PLD5: variants seen among roughly 807,000 people sequenced by gnomAD.
PLD5 encodes phospholipase D family member 5.
A neutral mutation model predicts 61.1 loss-of-function variants in PLD5; 36 were observed. The ratio of observed to expected loss-of-function variants is 0.59; its 90% confidence interval spans 0.45 to 0.78. PLD5 has a LOEUF of 0.78. Ranked by LOEUF, PLD5 falls within the 30% of genes least tolerant of loss-of-function variation. The pLI is 0.00. For missense variants in PLD5, 515 were observed against 644.4 expected, an observed-to-expected ratio of 0.80 and a Z score of 2.17; for synonymous variants, 243 against 242.8, an observed-to-expected ratio of 1.00 and a Z score of -0.01.
At chr1:242,321,702 C>T (rs1268564551) in intron 2 of PLD5, among the ~76,000 whole-genome samples, 2 of 152,098 alleles carry the variant, frequency 1.3e-5, no homozygotes, top group Non-Finnish European at 2.9e-5. Flanking sequence ...TTTTTGAACC[C>T]CCATTTTTTC....
In PLD5 at chr1:242,194,626, C is replaced by CTATCTATG. The variant is rs1553321094; in HGVS notation, c.735+25361_735+25362insCATAGATA. Among the ~76,000 whole-genome samples, 106 of 83,762 alleles carry CTATCTATG rather than the reference C, an allele frequency of 1.3e-3. 1 individual carries two copies. Among genetic ancestry groups the CTATCTATG allele is most frequent in the East Asian group, 2.8e-3 (6 of 2,168 alleles). The allele number at this position is 83,762 out of a possible 152,430, so 55.0% of individuals were successfully genotyped here. A position where few individuals can be genotyped will look rare whatever the true frequency, so the allele number is the denominator to read the frequency against. ...TCTATGTATCTATCTATGTATCTAT[C>CTATCTATG]TATCTATCTATCTATCTATCTATCT... On this transcript the variant is annotated intron_variant, in intron 5 of 9. Transcript: ENST00000536534.
At chr1:242,094,276 T>A (rs1660057720) in intron 9 of PLD5, among the ~76,000 whole-genome samples, 1 of 152,100 alleles carries the variant, frequency 6.6e-6, no homozygotes, top group Admixed American at 6.6e-5. Flanking sequence ...GACTTTTGAG[T>A]GCCTTCCATC....
intron 2 of PLD5, among the ~76,000 whole-genome samples, chr1:242,304,157 G>T (rs1214672884): frequency 6.6e-6 from 1 of 152,220 alleles, no homozygotes; most frequent in African/African-American, 2.4e-5. Flanking sequence ...GCTTAGAAAA[G>T]TTGTATACCA....
rs199766679 is a variant in PLD5, at chr1:242,439,082, T to TC, written c.189+85005dup. 7.3e-3 allele frequency among the ~76,000 whole-genome samples: 1,109 copies of TC among 152,302 alleles called. 18 individuals carry two copies. The highest frequency in any genetic ancestry group is 0.025 in the African/African-American group (1,054 of 41,550). On this transcript the variant is annotated intron_variant, in intron 1 of 9. Coordinates refer to ENST00000536534, the MANE Select transcript of PLD5 (RefSeq NM_001372062.1). ...TTTTAGTTCCTGGATTGCCACTGTA[T>TC]CCCCACCACCTGGCATAGCGCTTAA...
intron 7 of PLD5, among the ~76,000 whole-genome samples, chr1:242,111,472 G>GTT (rs1004504921): frequency 6.6e-6 from 1 of 150,766 alleles, no homozygotes; most frequent in Non-Finnish European, 1.5e-5. Context: ...AATAGTGTCT[G>GTT]TTTTTTTTTA....
At chr1:242,156,023 T>G (rs1574410930) in intron 5 of PLD5, among the ~76,000 whole-genome samples, 1 of 152,230 alleles carries the variant, frequency 6.6e-6, no homozygotes, top group South Asian at 2.1e-4. Flanking sequence ...GCTTTATGCA[T>G]CTGGGTGTTC....
At chr1:242,530,310 C>G in the PLD5 span, among the ~76,000 whole-genome samples, 1 of 152,332 alleles carries the variant, frequency 6.6e-6, no homozygotes, top group South Asian at 2.1e-4. Context: ...TGTCAAGATG[C>G]TATGGTTTGG....
chr1:242,095,879 G>C (rs1660182135), intron 9 of PLD5, among the ~76,000 whole-genome samples: 1 of 152,002 alleles, frequency 6.6e-6, no homozygotes, highest in Non-Finnish European at 1.5e-5. Flanking sequence ...TCCATAAGTT[G>C]GTGCACATGA....
At chr1:242,160,608 C>T (rs745815991) in intron 5 of PLD5, among the ~76,000 whole-genome samples, 10 of 152,022 alleles carry the variant, frequency 6.6e-5, no homozygotes, top group Middle Eastern at 3.2e-3. Flanking sequence ...GTATTTTGGC[C>T]GAGTGTGGTG....
At chr1:242,115,550 T>G (rs961270767) in intron 6 of PLD5, among the ~76,000 whole-genome samples, 7 of 152,114 alleles carry the variant, frequency 4.6e-5, no homozygotes, top group African/African-American at 1.4e-4. Flanking sequence ...TCTCAGGTGT[T>G]ACTACACACG....
chr1:242,142,005 T>C (rs1205533512), intron 5 of PLD5, among the ~76,000 whole-genome samples: 2 of 152,212 alleles, frequency 1.3e-5, no homozygotes, highest in African/African-American at 4.8e-5. Context: ...CATATATTCA[T>C]TCAACAAAGT....
At chr1:242,322,418 A>G (rs371229914) in intron 2 of PLD5, among the ~76,000 whole-genome samples, 2 of 152,216 alleles carry the variant, frequency 1.3e-5, no homozygotes, top group African/African-American at 4.8e-5. Flanking sequence ...AAAGATGCCC[A>G]CAGTTGCTCT....
chr1:242,332,103 T>C (rs1333323131), intron 2 of PLD5, among the ~76,000 whole-genome samples: 2 of 152,108 alleles, frequency 1.3e-5, no homozygotes, highest in Non-Finnish European at 2.9e-5. Context: ...GTTCTCATTG[T>C]TCAACTCCCA....
chr1:242,122,790 TTG>T (rs1662484866), intron 6 of PLD5, among the ~76,000 whole-genome samples: 1 of 152,352 alleles, frequency 6.6e-6, no homozygotes, highest in East Asian at 1.9e-4. Flanking sequence ...AACTTGAACT[TTG>T]TGTTTTCTTT....
chr1:242,179,796 G>A (rs995563287), intron 5 of PLD5, among the ~76,000 whole-genome samples: 2 of 152,158 alleles, frequency 1.3e-5, no homozygotes, highest in African/African-American at 2.4e-5. Flanking sequence ...CCAGCTACTC[G>A]GGAGGCTGAG....
At chr1:242,115,559 C>T (rs571404469) in intron 6 of PLD5, among the ~76,000 whole-genome samples, 13 of 152,050 alleles carry the variant, frequency 8.5e-5, no homozygotes, top group Non-Finnish European at 1.3e-4. Context: ...TTACTACACA[C>T]GCACACACAC....
At chr1:242,429,421 ACTTT>A (rs956173497) in intron 1 of PLD5, among the ~76,000 whole-genome samples, 4 of 152,160 alleles carry the variant, frequency 2.6e-5, no homozygotes, top group African/African-American at 9.7e-5. Flanking sequence ...AATTTTTAAT[ACTTT>A]TTTTAGAGAC....
chr1:242,504,936 G>A (rs575567808), intron 1 of PLD5, among the ~76,000 whole-genome samples: 2 of 152,250 alleles, frequency 1.3e-5, no homozygotes, highest in East Asian at 3.9e-4. Context: ...CAGGAGGATT[G>A]CTTGAGCCCA....
chr1:242,176,622 A>C (rs968381557), intron 5 of PLD5, among the ~76,000 whole-genome samples: 3 of 152,196 alleles, frequency 2.0e-5, no homozygotes, highest in Non-Finnish European at 4.4e-5. Context: ...GCACAGCAAA[A>C]TAAACTATCA....
Sources: allele counts gnomAD v4.1 joint callset (sites outside exome capture counted in the v4.1 genomes callset), GRCh38; gene constraint gnomAD v4.1.1; transcripts MANE v1.5; gene names NCBI Gene and HGNC (gene_info 2026-07-23, HGNC 2026-07-21).